CLC: variants seen among roughly 807,000 people sequenced by gnomAD.
The protein encoded by CLC is Charcot-Leyden crystal galectin, also known as galectin-10.
Under a neutral mutation model 13.9 loss-of-function variants are expected in CLC, and 15 were observed. The ratio of observed to expected loss-of-function variants is 1.08; its 90% CI spans 0.72 to 1.66. CLC has a LOEUF of 1.66. CLC is among the 40% of genes most tolerant of loss of function. CLC has a pLI of 0.00. For synonymous variants in CLC, 68 were observed against 59.9 expected, an observed-to-expected ratio of 1.14 and a Z score of -0.63; for missense variants, 161 against 169.1, an observed-to-expected ratio of 0.95 and a Z score of 0.27.
chr19:39,735,023 G>A lies in CLC; in HGVS notation c.66C>T (p.Ile22=). 1 of 1,613,654 alleles carries A rather than the reference G, an allele frequency of 6.2e-7. No homozygotes were observed. Among genetic ancestry groups the A allele is most frequent in the Non-Finnish European group, 8.5e-7 (1 of 1,179,566 alleles). ...AGAAACAGGCAAGTGGTCGCCCTTT[G>A]ATTGTCACAGTAGAACCAGTAGACA... ...ASLSTGSTVT[I]KGRPLACFLN... Residue 22 remains isoleucine, a synonymous_variant, in exon 2 of 4, where the codon ATC becomes ATT. Transcript: ENST00000221804.
At chr19:39,734,938 C>T in intron 2 of CLC, 59 bp downstream of exon 2, 2 of 1,292,990 alleles carry the variant, frequency 1.5e-6, no homozygotes, top group Admixed American at 1.7e-5. Flanking sequence ...TGAGGTCACC[C>T]CCTTAGAAAA....
In CLC at chr19:39,732,797, C is replaced by T. The variant is rs139475390; in HGVS notation, c.304-1292G>A. ...ATTCTAACTGGTGTGAGACGGTAAA[C>T]GTTAGACCTAAAACCATAAAAACCC... On this transcript the variant is annotated intron_variant, in intron 3 of 3. Coordinates refer to ENST00000221804, the MANE Select transcript of CLC (RefSeq NM_001828.6). 5.0e-3 allele frequency among the ~76,000 whole-genome samples: 758 copies of T among 151,836 alleles called. 7 individuals carry two copies. The highest frequency in any genetic ancestry group is 0.017 in the African/African-American group (710 of 41,366).
At chr19:39,735,125 C>T in intron 1 of CLC, 52 bp from the exon 2 acceptor site, 1 of 1,278,722 alleles carries the variant, frequency 7.8e-7, no homozygotes, top group Admixed American at 1.7e-5. Flanking sequence ...TGTGGCCTCC[C>T]CTCCTGTAAC....
At chr19:39,733,175 A>C (rs2144916223) in intron 3 of CLC, among the ~76,000 whole-genome samples, 1 of 151,946 alleles carries the variant, frequency 6.6e-6, no homozygotes. Context: ...ACATGAAAAA[A>C]TGCTCATCAT....
chr19:39,736,929 G>C (rs867597587), intron 1 of CLC, among the ~76,000 whole-genome samples: 2 of 152,060 alleles, frequency 1.3e-5, no homozygotes, highest in African/African-American at 4.8e-5. Context: ...TGTCTCCCAG[G>C]CTGGTCTACC....
chr19:39,734,164 A>T, intron 3 of CLC, 119 bp downstream of exon 3: 1 of 1,385,206 alleles, frequency 7.2e-7, no homozygotes, highest in South Asian at 1.4e-5. Flanking sequence ...GGATAAGGGG[A>T]GTTGTGGGTG....
chr19:39,733,299 G>C (rs1967254573), intron 3 of CLC, among the ~76,000 whole-genome samples: 1 of 152,118 alleles, frequency 6.6e-6, no homozygotes, highest in South Asian at 2.1e-4. Context: ...TGAATGTTTT[G>C]GCCTACCCAT....
chr19:39,734,974 TC>T (rs772068182), intron 2 of CLC, 22 bp downstream of exon 2: 12 of 1,548,180 alleles, frequency 7.8e-6, no homozygotes, highest in Non-Finnish European at 1.1e-5. Context: ...CCACCTCCCA[TC>T]TTTGCACCAT....
chr19:39,733,885 T>G (rs1278777921), intron 3 of CLC: 1 of 959,036 alleles, frequency 1.0e-6, no homozygotes. Context: ...CATGTGTATA[T>G]CTTATCCATT....
chr19:39,732,117 C>T (rs1967235848), intron 3 of CLC, among the ~76,000 whole-genome samples: 1 of 144,056 alleles, frequency 6.9e-6, no homozygotes, highest in Non-Finnish European at 1.5e-5. Flanking sequence ...TTTTAGGGTA[C>T]ATGTGCACAT....
chr19:39,734,374 G>A lies in CLC; in HGVS notation c.212C>T (p.Ala71Val), dbSNP rs768796050. Residue 71 changes from alanine to valine, a missense_variant, in exon 3 of 4, where the codon GCC becomes GTC. Physicochemically the swap from Ala to Val is moderately conservative, Grantham distance 64. Coordinates refer to ENST00000221804, the MANE Select transcript of CLC (RefSeq NM_001828.6). ...RVVMNSREYG[A>V]WKQQVESKNM... The stretch of plus-strand genomic sequence containing the variant: ...CTTGGATTCCACCTGCTGCTTCCAG[G>A]CCCCATACTCACGGCTGTTCATGAC... 1.2e-6 allele frequency: 2 copies of A among 1,614,024 alleles called. No homozygotes were observed. Among genetic ancestry groups the A allele is most frequent in the South Asian group, 2.2e-5 (2 of 91,074 alleles).
chr19:39,733,124 C>A (rs1400697658), intron 3 of CLC, among the ~76,000 whole-genome samples: 1 of 147,476 alleles, frequency 6.8e-6, no homozygotes, highest in Non-Finnish European at 1.5e-5. Flanking sequence ...ACGACATGAA[C>A]AGACACTTCT....
chr19:39,736,774 C>CAA (rs71171518), intron 1 of CLC, among the ~76,000 whole-genome samples: 9 of 138,070 alleles, frequency 6.5e-5, no homozygotes, highest in Non-Finnish European at 1.3e-4. Context: ...GACTCTGTCT[C>CAA]AAAAAAAAAA....
intron 3 of CLC, among the ~76,000 whole-genome samples, chr19:39,732,830 A>G: frequency 1.3e-5 from 2 of 150,910 alleles, no homozygotes; most frequent in Admixed American, 1.3e-4. Flanking sequence ...CCCTAGAAGA[A>G]AACCTAGGCA....
At chr19:39,735,316 T>C (rs1332607327) in intron 1 of CLC, among the ~76,000 whole-genome samples, 1 of 152,228 alleles carries the variant, frequency 6.6e-6, no homozygotes, top group Non-Finnish European at 1.5e-5. Flanking sequence ...AGCAGTGAGA[T>C]GTTAACATGT....
chr19:39,734,541 A>G, intron 2 of CLC, 48 bp from the exon 3 acceptor site: 1 of 1,420,048 alleles, frequency 7.0e-7, no homozygotes, highest in South Asian at 1.1e-5. Flanking sequence ...CTTGTGGGGC[A>G]CACACAAGAC....
At chr19:39,734,855 TG>T (rs1967285089) in intron 2 of CLC, 141 bp downstream of exon 2, 2 of 673,272 alleles carry the variant, frequency 3.0e-6, no homozygotes, top group Non-Finnish European at 5.3e-6. Flanking sequence ...TTCCTGGTGC[TG>T]GAGGGTCTCC....
In CLC at chr19:39,731,285, G is replaced by A. The variant is rs757044817; in HGVS notation, c.*95C>T. The A allele has an allele frequency of 1.8e-5, 24 of 1,332,858 alleles. No homozygotes were observed. Among genetic ancestry groups the A allele is most frequent in the Non-Finnish European group, 2.6e-5 (24 of 934,354 alleles). 82.6% of individuals were successfully genotyped at this position (1,332,858 alleles called of 1,614,324 possible). On this transcript the variant is annotated 3_prime_UTR_variant, in exon 4 of 4. Coordinates refer to ENST00000221804, the MANE Select transcript of CLC (RefSeq NM_001828.6). ...TTTGATTAAGTTTTAATGAGCAGGA[G>A]TAAGGATTGAAGTGAGAAAAGATCA...
intron 3 of CLC, among the ~76,000 whole-genome samples, chr19:39,731,768 C>T (rs2074926): frequency 0.48 from 73,389 of 152,106 alleles, 18,300 homozygotes; most frequent in South Asian, 0.63. Context: ...TGCTCAGCCT[C>T]CCCTCTATCC....
Sources: gnomAD v4.1 joint callset for allele counts (sites outside exome capture counted in the v4.1 genomes callset) on GRCh38, gnomAD v4.1.1 for gene constraint, MANE v1.5 for transcripts, NCBI Gene and HGNC (gene_info 2026-07-23, HGNC 2026-07-21) for gene names.